ESYT2: variants seen among roughly 807,000 people sequenced by gnomAD.
ESYT2 encodes the protein extended synaptotagmin 2.
Under a neutral mutation model 107.2 loss-of-function variants are expected in ESYT2, and 54 were observed. That is an observed-to-expected ratio of 0.50 (90% CI 0.40 to 0.63). The LOEUF (loss-of-function observed/expected upper bound fraction) is 0.63, where lower values mean the gene tolerates loss of function less well. Ranked by LOEUF, ESYT2 falls within the 30% of genes least tolerant of loss-of-function variation. ESYT2 has a pLI of 0.00. For missense variants in ESYT2, 1,020 were observed against 1,094.5 expected (o/e 0.93, Z 0.96); for synonymous variants, 491 against 434.1 (o/e 1.13, Z -1.63).
rs1201448440 is a variant in ESYT2, at chr7:158,771,621, C to T, written c.803+1720G>A. Among the ~76,000 whole-genome samples the T allele has an allele frequency of 2.6e-5, 4 of 152,316 alleles. No individual in the cohort carries two copies. The East Asian group carries it at 7.7e-4, about 29-fold the overall frequency. On this transcript the variant is annotated intron_variant, in intron 7 of 22. Transcript: ENST00000275418. Reference sequence around the variant, plus strand: ...AACAAGCCCACGAGGGACACGCCCACCCTGCATGGGTGGGGAGCTGGCGAG... The same window carrying T: ...AACAAGCCCACGAGGGACACGCCCATCCTGCATGGGTGGGGAGCTGGCGAG...
intron 7 of ESYT2, 36 bp downstream of exon 7, chr7:158,773,305 G>C: frequency 6.2e-7 from 1 of 1,612,516 alleles, no homozygotes; most frequent in Non-Finnish European, 8.5e-7. Flanking sequence ...ACACGCCCTC[G>C]AACGCTAAGC....
Position 158,735,523 on chromosome 7 carries a change from C to T in ESYT2, c.2485G>A (p.Asp829Asn). Reference protein sequence around the residue: ...VKNSGGFLSKDKGLLGKVLVA... With the variant: ...VKNSGGFLSKNKGLLGKVLVA... The stretch of plus-strand genomic sequence containing the variant: ...CTTACTTTGCCAAGGAGCCCTTTGT[C>T]TTTGGACAGGAAGCCGCCACTGTTC... The change falls in exon 21 of 23, where the codon GAC (aspartate) becomes AAC (asparagine). Residue 829 changes from aspartate to asparagine, a missense_variant. Transcript: ENST00000275418. 6.2e-7 allele frequency: 1 copy of T among 1,614,122 alleles called. No homozygotes were observed. Among genetic ancestry groups the T allele is most frequent in the Non-Finnish European group, 8.5e-7 (1 of 1,179,974 alleles).
intron 18 of ESYT2, among the ~76,000 whole-genome samples, chr7:158,741,051 A>G (rs1432446109): frequency 6.6e-6 from 1 of 152,236 alleles, no homozygotes; most frequent in African/African-American, 2.4e-5. Context: ...GGCTTAAATA[A>G]GGAGCCAACA....
chr7:158,763,190 A>C (rs1838033215), intron 9 of ESYT2, 25 bp from the exon 10 acceptor site: 1 of 1,584,036 alleles, frequency 6.3e-7, no homozygotes, highest in Non-Finnish European at 8.7e-7. Context: ...GTTAGTAGTT[A>C]AGTGCATTTT....
intron 1 of ESYT2, among the ~76,000 whole-genome samples, chr7:158,822,156 TAA>T (rs972831458): frequency 2.0e-5 from 3 of 152,062 alleles, no homozygotes; most frequent in Non-Finnish European, 4.4e-5. Context: ...TCATGAAAAC[TAA>T]AAAAGATAAT....
At chr7:158,796,730 C>A (rs1281025890) in intron 3 of ESYT2, among the ~76,000 whole-genome samples, 2 of 152,094 alleles carry the variant, frequency 1.3e-5, no homozygotes, top group Non-Finnish European at 2.9e-5. Flanking sequence ...AGGGGCAGTG[C>A]GGGCGAGAGG....
In ESYT2 at chr7:158,760,110, T is replaced by C. The variant is rs745762154; in HGVS notation, c.1271A>G (p.His424Arg). The part of the protein sequence containing the change: ...TLDEVPKGKL[H>R]LRLEWLTLMP... ...TAACGTGAGCCACTCCAGTCTCAAG[T>C]GTAGCTTCCCCTTGGGAACCTCGTC... Residue 424 changes from histidine to arginine, a missense_variant, in exon 12 of 23, where the codon CAC becomes CGC. Physicochemically the swap from His to Arg is conservative, Grantham distance 29. Coordinates refer to ENST00000275418, the MANE Select transcript of ESYT2 (RefSeq NM_001367773.1). 3 of 1,614,236 alleles carry C rather than the reference T, an allele frequency of 1.9e-6. No homozygotes were observed. The highest frequency in any genetic ancestry group is 2.2e-5 in the East Asian group (1 of 44,892).
At chr7:158,811,102 G>T (rs1839982901) in intron 1 of ESYT2, among the ~76,000 whole-genome samples, 1 of 151,856 alleles carries the variant, frequency 6.6e-6, no homozygotes, top group Non-Finnish European at 1.5e-5. Flanking sequence ...CAAGACTGCG[G>T]TGAGCCATGA....
intron 19 of ESYT2, among the ~76,000 whole-genome samples, chr7:158,738,355 A>C (rs1837055177): frequency 6.7e-6 from 1 of 149,600 alleles, no homozygotes; most frequent in Non-Finnish European, 1.5e-5. Context: ...ACACACACAC[A>C]CACACACACA....
intron 9 of ESYT2, among the ~76,000 whole-genome samples, chr7:158,764,076 T>C (rs1007246695): frequency 6.6e-6 from 1 of 152,204 alleles, no homozygotes; most frequent in Non-Finnish European, 1.5e-5. Context: ...GATATTTCAG[T>C]CCTTTAAAAA....
intron 3 of ESYT2, among the ~76,000 whole-genome samples, chr7:158,797,475 G>A (rs1373928192): frequency 6.6e-6 from 1 of 152,066 alleles, no homozygotes; most frequent in Non-Finnish European, 1.5e-5. Flanking sequence ...GGGAGGCTGA[G>A]GCAGGAAGAT....
intron 4 of ESYT2, among the ~76,000 whole-genome samples, chr7:158,791,739 A>G (rs1335276726): frequency 6.6e-6 from 1 of 152,126 alleles, no homozygotes; most frequent in African/African-American, 2.4e-5. Context: ...ATGTCTGTTC[A>G]AGTTCTTTCC....
chr7:158,802,201 A>C (rs1233318732), intron 1 of ESYT2, among the ~76,000 whole-genome samples: 2 of 152,390 alleles, frequency 1.3e-5, no homozygotes, highest in Admixed American at 1.3e-4. Flanking sequence ...TCTTTCTTCA[A>C]ACAACATTCC....
At chr7:158,792,967 A>C (rs1028492494) in intron 4 of ESYT2, among the ~76,000 whole-genome samples, 2 of 151,674 alleles carry the variant, frequency 1.3e-5, no homozygotes, top group Non-Finnish European at 2.9e-5. Flanking sequence ...ACGGGGTTTC[A>C]CCATGTTAGC....
chr7:158,770,980 T>C (rs962560433), intron 7 of ESYT2, among the ~76,000 whole-genome samples: 1 of 152,062 alleles, frequency 6.6e-6, no homozygotes, highest in Non-Finnish European at 1.5e-5. Context: ...GAGATCTATC[T>C]CTGAAAACAA....
intron 6 of ESYT2, among the ~76,000 whole-genome samples, chr7:158,782,629 AG>A (rs1435202887): frequency 2.0e-4 from 22 of 110,636 alleles, no homozygotes; most frequent in Non-Finnish European, 3.8e-4. Flanking sequence ...GAACATGTGA[AG>A]TGGGTATGTG....
At chr7:158,812,805 T>C (rs1394253096) in intron 1 of ESYT2, among the ~76,000 whole-genome samples, 2 of 152,126 alleles carry the variant, frequency 1.3e-5, no homozygotes, top group Non-Finnish European at 2.9e-5. Flanking sequence ...AAAACTAAGC[T>C]AACTGAAAGA....
In ESYT2 at chr7:158,746,227, TAG is replaced by T. The variant is rs1837394532; in HGVS notation, c.1644+1965_1644+1966del. Among the ~76,000 whole-genome samples, 2 of 41,596 alleles carry T rather than the reference TAG, an allele frequency of 4.8e-5. 1 individual carries two copies. The highest frequency in any genetic ancestry group is 2.4e-3 in the East Asian group (2 of 834). 27.3% of individuals were successfully genotyped at this position (41,596 alleles called of 152,430 possible). On this transcript the variant is annotated intron_variant, in intron 16 of 22. Transcript: ENST00000275418. ...GAAACCGCATCTTTACATACATAAA[TAG>T]ACACACACACACACACACACACACA...
chr7:158,737,866 A>G (rs1181394011), intron 19 of ESYT2, among the ~76,000 whole-genome samples: 2 of 152,340 alleles, frequency 1.3e-5, no homozygotes, highest in South Asian at 2.1e-4. Context: ...AAATTGCATA[A>G]AAGGAAAATA....
Sources: gnomAD v4.1 joint callset for allele counts (sites outside exome capture counted in the v4.1 genomes callset) on GRCh38, gnomAD v4.1.1 for gene constraint, MANE v1.5 for transcripts, NCBI Gene and HGNC (gene_info 2026-07-23, HGNC 2026-07-21) for gene names.